The following PLEKHA1 variants were observed in gnomAD, a reference collection of about 807,000 sequenced individuals.
PLEKHA1 encodes the protein pleckstrin homology domain-containing family A member 1.
In PLEKHA1, 34 loss-of-function variants were observed where a neutral mutation model predicts 52.0. The observed-to-expected ratio is 0.65, with a 90% CI of 0.50 to 0.87. The LOEUF (loss-of-function observed/expected upper bound fraction) is 0.87. PLEKHA1 is among the 40% of genes least tolerant of loss of function. The probability of loss-of-function intolerance (pLI) is 0.00; values close to 1 mark genes in which losing one functional copy is unlikely to be tolerated. For missense variants in PLEKHA1, 497 were observed against 504.2 expected, an observed-to-expected ratio of 0.99 and a Z score of 0.14; for synonymous variants, 163 against 170.7, an observed-to-expected ratio of 0.95 and a Z score of 0.35.
intron 1 of PLEKHA1, among the ~76,000 whole-genome samples, chr10:122,383,705 T>C (rs184831093): frequency 6.6e-6 from 1 of 152,154 alleles, no homozygotes; most frequent in East Asian, 1.9e-4. Context: ...AATGCCGTTA[T>C]CACACCAAAA....
intron 11 of PLEKHA1, 68 bp from the exon 12 acceptor site, chr10:122,429,556 G>A: frequency 7.3e-7 from 1 of 1,365,612 alleles, no homozygotes; most frequent in Non-Finnish European, 1.0e-6. Context: ...AGAGAATCAA[G>A]TCTCACACTG....
chr10:122,392,654 T>C (rs2096792664), intron 1 of PLEKHA1, among the ~76,000 whole-genome samples: 1 of 152,166 alleles, frequency 6.6e-6, no homozygotes, highest in Non-Finnish European at 1.5e-5. Flanking sequence ...GGAAAATCAC[T>C]TCCCCTGTGT....
chr10:122,409,453 T>TA (rs1437419066), intron 5 of PLEKHA1, among the ~76,000 whole-genome samples: 2 of 151,734 alleles, frequency 1.3e-5, no homozygotes, highest in Admixed American at 6.6e-5. Context: ...ATAGTGGAAA[T>TA]ATAGTGGAAA....
chr10:122,396,970 C>T (rs1423947936), intron 2 of PLEKHA1, among the ~76,000 whole-genome samples: 1 of 152,114 alleles, frequency 6.6e-6, no homozygotes, highest in East Asian at 1.9e-4. Flanking sequence ...TCTTCGTTGG[C>T]CTCAAATTCT....
At chr10:122,396,661 TA>T (rs1026365358) in intron 2 of PLEKHA1, among the ~76,000 whole-genome samples, 7 of 152,196 alleles carry the variant, frequency 4.6e-5, no homozygotes, top group Non-Finnish European at 8.8e-5. Flanking sequence ...AATAGATTTT[TA>T]TATTTTTAAG....
At chr10:122,401,089 A>T (rs2096921514) in intron 4 of PLEKHA1, among the ~76,000 whole-genome samples, 1 of 152,120 alleles carries the variant, frequency 6.6e-6, no homozygotes, top group Non-Finnish European at 1.5e-5. Flanking sequence ...TATATCCTTT[A>T]CCACTGCAGA....
the PLEKHA1 span, chr10:122,440,241 A>C: frequency 2.2e-4 from 33 of 152,370 alleles, no homozygotes; most frequent in African/African-American, 7.9e-4. Flanking sequence ...TGTAAAGAAC[A>C]TGTGGTTCCT....
At chr10:122,417,324 C>CT (rs915849315) in intron 7 of PLEKHA1, among the ~76,000 whole-genome samples, 12 of 149,792 alleles carry the variant, frequency 8.0e-5, no homozygotes, top group African/African-American at 2.2e-4. Context: ...AGGGGAAGTG[C>CT]TTTTAAAAAA....
chr10:122,420,005 CCATATG>C (rs1356954002), intron 8 of PLEKHA1: 33 of 152,328 alleles, frequency 2.2e-4, no homozygotes, highest in African/African-American at 7.9e-4. Flanking sequence ...TGACTGCTTG[CCATATG>C]CACAGTACCT....
At position 122,430,171 on chromosome 10, in the gene PLEKHA1, C is replaced by T; in HGVS notation, c.*233C>T. On this transcript the variant is annotated 3_prime_UTR_variant, in exon 12 of 12. Transcript: ENST00000368990. ...TCCAAAATATCTCAGTATCATCTGT[C>T]TGAAGCATTGTGTGTTCTCATTCGG... The T allele has an allele frequency of 2.3e-6, 1 of 442,424 alleles. No homozygotes were observed. Among genetic ancestry groups the T allele is most frequent in the Non-Finnish European group, 3.9e-6 (1 of 254,534 alleles). 27.4% of individuals were successfully genotyped at this position (442,424 alleles called of 1,614,324 possible). A position where few individuals can be genotyped will look rare whatever the true frequency, so the allele number is the denominator to read the frequency against.
rs56781870 is a variant in PLEKHA1 at position 122,376,501 on chromosome 10, G to GATATATATATAT, written c.-21+1717_-21+1728dup. 2.7e-5 allele frequency among the ~76,000 whole-genome samples: 4 copies of GATATATATATAT among 146,834 alleles called. No homozygotes were observed. In the East Asian group the frequency reaches 6.0e-4, roughly 22 times the overall value. On this transcript the variant is annotated intron_variant, in intron 1 of 11. Coordinates refer to ENST00000368990, the MANE Select transcript of PLEKHA1 (RefSeq NM_001001974.4). The stretch of plus-strand genomic sequence containing the variant: ...GCTGTGAATTTAGTGACATTAAGAA[G>GATATATATATAT]ATATATATATATATATATATATATA...
chr10:122,397,120 C>A (rs767939889), intron 2 of PLEKHA1, among the ~76,000 whole-genome samples: 21 of 152,076 alleles, frequency 1.4e-4, no homozygotes, highest in Non-Finnish European at 2.9e-4. Context: ...CTCTCTCTTT[C>A]TAGTACAGAG....
intron 1 of PLEKHA1, among the ~76,000 whole-genome samples, chr10:122,376,533 T>A (rs397833365): frequency 7.4e-6 from 1 of 134,400 alleles, no homozygotes; most frequent in African/African-American, 2.9e-5. Flanking sequence ...TATATATATA[T>A]AATATAAATA....
In PLEKHA1 at chr10:122,417,943, C is replaced by CA; in HGVS notation, c.658dup (p.Ile220AsnfsTer7). The CA allele has an allele frequency of 6.2e-7, 1 of 1,611,728 alleles. No homozygotes were observed. The highest frequency in any genetic ancestry group is 8.5e-7 in the Non-Finnish European group (1 of 1,178,212). On this transcript the variant is annotated frameshift_variant, in exon 8 of 12. Coordinates refer to ENST00000368990, the MANE Select transcript of PLEKHA1 (RefSeq NM_001001974.4). LOFTEE classifies it high-confidence loss of function. ...AGATATTTTCAATTGGATGAAAACACAATAGGCTACTTCAAATCTGAACTG... is the reference window on the plus strand; with the variant it reads ...AGATATTTTCAATTGGATGAAAACACAAATAGGCTACTTCAAATCTGAACTG...
At chr10:122,406,457 ATT>A (rs2097016626) in intron 4 of PLEKHA1, 117 bp from the exon 5 acceptor site, 1 of 755,540 alleles carries the variant, frequency 1.3e-6, no homozygotes, top group South Asian at 1.5e-5. Context: ...GGTCTGATAT[ATT>A]TTGTCAAATC....
the PLEKHA1 span, chr10:122,440,597 T>A: frequency 6.6e-6 from 1 of 152,212 alleles, no homozygotes; most frequent in Non-Finnish European, 1.5e-5. Flanking sequence ...TGGATTCCCT[T>A]CTCCCTTCCC....
In PLEKHA1 at chr10:122,429,928, G is replaced by C; in HGVS notation, c.1205G>C (p.Ser402Thr). Residue 402 changes from serine (S) to threonine (T), a missense_variant, in exon 12 of 12, where the codon AGT becomes ACT. Transcript: ENST00000368990. ...TTGGACGATGCGAGCCTTCCGGTCA[G>C]TGACGTGTGAGGCAGAAGCGCACGG... ...VDLDDASLPV[S>T]DV is the part of the protein sequence containing the mutation. 6.2e-7 allele frequency: 1 copy of C among 1,611,896 alleles called. No individual in the cohort carries two copies. The highest frequency in any genetic ancestry group is 8.5e-7 in the Non-Finnish European group (1 of 1,178,676).
chr10:122,384,608 CA>C (rs59343401), intron 1 of PLEKHA1, among the ~76,000 whole-genome samples: 6,246 of 118,894 alleles, frequency 0.053, 334 homozygotes, highest in African/African-American at 0.18. Flanking sequence ...GACTCTGTCT[CA>C]AAAAAAAAAA....
In PLEKHA1 at chr10:122,414,211, TA is replaced by T. The variant is rs1369743892; in HGVS notation, c.468+1168del. 7.9e-5 allele frequency among the ~76,000 whole-genome samples: 12 copies of T among 152,250 alleles called. No homozygotes were observed. In the South Asian group the frequency reaches 2.5e-3, roughly 32 times the overall value. ...ACTGGTATTATGACCTATGTTGACATAAGGGGTAAGACTATTTTCCTGTAGT... is the reference window on the plus strand; with the variant it reads ...ACTGGTATTATGACCTATGTTGACATAGGGGTAAGACTATTTTCCTGTAGT... On this transcript the variant is annotated intron_variant, in intron 6 of 11. Transcript: ENST00000368990.
Sources: allele counts gnomAD v4.1 joint callset (sites outside exome capture counted in the v4.1 genomes callset), GRCh38; gene constraint gnomAD v4.1.1; transcripts MANE v1.5; gene names NCBI Gene and HGNC (gene_info 2026-07-23, HGNC 2026-07-21).